The following ARFGEF2 variants were observed in gnomAD, a reference collection of about 807,000 sequenced individuals.
The protein encoded by ARFGEF2 is brefeldin A-inhibited guanine nucleotide-exchange protein 2.
In ARFGEF2, 74 loss-of-function variants were observed where a neutral mutation model predicts 219.9. That is an observed-to-expected ratio of 0.34 (90% CI 0.28 to 0.41). The LOEUF (loss-of-function observed/expected upper bound fraction) is 0.41. Ranked by LOEUF, ARFGEF2 falls within the 10% of genes least tolerant of loss-of-function variation. ARFGEF2 has a pLI of 1.00. For missense variants in ARFGEF2, 1,743 were observed against 2,218.3 expected (o/e 0.79, Z 4.30); for synonymous variants, 733 against 799.2 (o/e 0.92, Z 1.40).
intron 28 of ARFGEF2, 82 bp from the exon 29 acceptor site, chr20:49,013,482 G>C (rs2091512987): frequency 6.4e-7 from 1 of 1,567,500 alleles, no homozygotes; most frequent in Non-Finnish European, 8.8e-7. Flanking sequence ...AATGTGTGGG[G>C]CCTTAATCTG....
At chr20:48,947,014 C>A (rs1375420207) in intron 3 of ARFGEF2, among the ~76,000 whole-genome samples, 1 of 152,074 alleles carries the variant, frequency 6.6e-6, no homozygotes, top group Non-Finnish European at 1.5e-5. Flanking sequence ...ACTTTGTTGC[C>A]CAGGCTGGTC....
chr20:48,955,453 C>T (rs927061853), intron 6 of ARFGEF2, among the ~76,000 whole-genome samples: 1 of 152,198 alleles, frequency 6.6e-6, no homozygotes, highest in African/African-American at 2.4e-5. Flanking sequence ...TGCACTGAAG[C>T]CTAGGCTGCC....
At chr20:48,988,419 T>G (rs2091338542) in intron 17 of ARFGEF2, 31 bp downstream of exon 17, 1 of 1,611,434 alleles carries the variant, frequency 6.2e-7, no homozygotes, top group African/African-American at 1.3e-5. Flanking sequence ...ACATGTTGTA[T>G]TAGCTAAATA....
intron 3 of ARFGEF2, among the ~76,000 whole-genome samples, chr20:48,949,811 C>G (rs1555807949): frequency 6.6e-6 from 1 of 151,928 alleles, no homozygotes; most frequent in Non-Finnish European, 1.5e-5. Context: ...CAGTAGAAGC[C>G]AAAAAGGGGA....
In ARFGEF2 at chr20:49,013,817, T is replaced by G; in HGVS notation, c.4050-14T>G. On this transcript the variant is annotated splice_polypyrimidine_tract_variant and intron_variant, in intron 29 of 38. Coordinates refer to ENST00000371917, the MANE Select transcript of ARFGEF2 (RefSeq NM_006420.3). ...CACCATTCTCTCTTCTGTGCCTGAC[T>G]TTGTTTCCTCCAGGGGACTCACAGT... is the stretch of plus-strand genomic sequence containing the variant. 4 of 1,614,160 alleles carry G rather than the reference T, an allele frequency of 2.5e-6. No individual in the cohort carries two copies. The highest frequency in any genetic ancestry group is 2.5e-6 in the Non-Finnish European group (3 of 1,180,010).
intron 1 of ARFGEF2, among the ~76,000 whole-genome samples, chr20:48,928,262 G>A (rs1373591633): frequency 3.6e-5 from 5 of 139,738 alleles, no homozygotes; most frequent in African/African-American, 1.4e-4. Context: ...GCAGTGGCGC[G>A]ATCTCGGCTC....
intron 6 of ARFGEF2, among the ~76,000 whole-genome samples, chr20:48,954,553 A>T (rs2091094316): frequency 6.6e-6 from 1 of 152,074 alleles, no homozygotes; most frequent in South Asian, 2.1e-4. Context: ...TTCATAACTG[A>T]TCTCATTTCT....
chr20:48,976,107 G>A lies in ARFGEF2; in HGVS notation c.1866G>A (p.Val622=). Residue 622 remains valine, a synonymous_variant, in exon 14 of 39, where the codon GTG becomes GTA. Transcript: ENST00000371917. ...RCSVTSMEST[V]SSGTQTTVQD... ...GTGTGACGTCCATGGAGTCCACAGT[G>A]TCCTCGGGGACCCAGACAACTGTTC... 1 of 1,613,756 alleles carries A rather than the reference G, an allele frequency of 6.2e-7. No homozygotes were observed. Among genetic ancestry groups the A allele is most frequent in the Non-Finnish European group, 8.5e-7 (1 of 1,180,024 alleles).
intron 28 of ARFGEF2, 78 bp from the exon 29 acceptor site, chr20:49,013,486 T>A (rs1411818177): frequency 3.1e-6 from 5 of 1,589,552 alleles, no homozygotes; most frequent in Non-Finnish European, 4.3e-6. Context: ...TGTGGGGCCT[T>A]AATCTGCATA....
Position 48,948,018 on chromosome 20 carries a change from A to G in ARFGEF2, c.277-3305A>G, listed in dbSNP as rs191904072. 5.9e-5 allele frequency among the ~76,000 whole-genome samples: 9 copies of G among 152,350 alleles called. No homozygotes were observed. The South Asian group carries it at 8.3e-4, about 14-fold the overall frequency. ...TAATCTAAGCTGCCCTGTTTATACC[A>G]TAAACATTATCTTTTAGCTCTTATT... is the stretch of plus-strand genomic sequence containing the variant. On this transcript the variant is annotated intron_variant, in intron 3 of 38. Coordinates refer to ENST00000371917, the MANE Select transcript of ARFGEF2 (RefSeq NM_006420.3).
chr20:48,925,721 C>A (rs990552882), intron 1 of ARFGEF2, among the ~76,000 whole-genome samples: 2 of 151,876 alleles, frequency 1.3e-5, no homozygotes, highest in Non-Finnish European at 2.9e-5. Flanking sequence ...CCTGTAGTCC[C>A]GGCTACTTGG....
At chr20:49,022,912 CAGG>C in intron 34 of ARFGEF2, 136 bp from the exon 35 acceptor site, 1 of 1,180,424 alleles carries the variant, frequency 8.5e-7, no homozygotes, top group Non-Finnish European at 1.2e-6. Flanking sequence ...ACCAGGAGTT[CAGG>C]ACCAGCCTGG....
At chr20:48,997,227 C>G (rs2091396706) in intron 23 of ARFGEF2, among the ~76,000 whole-genome samples, 1 of 151,944 alleles carries the variant, frequency 6.6e-6, no homozygotes, top group Non-Finnish European at 1.5e-5. Context: ...TCTAGTATAT[C>G]ATTTTACTTC....
chr20:48,927,875 T>A (rs2090887960), intron 1 of ARFGEF2, among the ~76,000 whole-genome samples: 1 of 152,160 alleles, frequency 6.6e-6, no homozygotes, highest in South Asian at 2.1e-4. Flanking sequence ...TACTTTTTGT[T>A]GAAAACCACT....
At chr20:48,971,409 A>G in intron 10 of ARFGEF2, 55 bp downstream of exon 10, 2 of 1,279,358 alleles carry the variant, frequency 1.6e-6, no homozygotes, top group Non-Finnish European at 2.2e-6. Context: ...TTAGTCATTA[A>G]TTATAATACT....
Position 49,011,972 on chromosome 20 carries a change from A to T in ARFGEF2, c.3806A>T (p.Asp1269Val). 6.2e-7 allele frequency: 1 copy of T among 1,614,172 alleles called. No homozygotes were observed. The highest frequency in any genetic ancestry group is 8.5e-7 in the Non-Finnish European group (1 of 1,180,034). Residue 1269 changes from aspartate (D) to valine (V), a missense_variant, in exon 28 of 39, where the codon GAT becomes GTT. Around this residue, in one of 5 missense-constraint regions of ARFGEF2, gnomAD observed 578 missense variants for 664.0 expected, o/e 0.87. Coordinates refer to ENST00000371917, the MANE Select transcript of ARFGEF2 (RefSeq NM_006420.3). ...HFPAAIDSFQ[D>V]AVKCLSEFAC... ...CCTGCAGCCATCGATTCCTTTCAGG[A>T]TGCTGTGAAGTGCTTATCAGAGTTC...
Position 49,026,170 on chromosome 20 carries a change from A to C in ARFGEF2, c.4924+689A>C, listed in dbSNP as rs528076615. ...GGCAACATAGCAAAACCCCATCTCC[A>C]CCCAAAAAAAAGTATATGAAAATTA... On this transcript the variant is annotated intron_variant, in intron 36 of 38. Transcript: ENST00000371917. Among the ~76,000 whole-genome samples the C allele has an allele frequency of 4.6e-5, 7 of 152,090 alleles. No individual in the cohort carries two copies. The South Asian group carries it at 1.5e-3, about 32-fold the overall frequency.
At chr20:48,969,052 C>T in intron 8 of ARFGEF2, 95 bp from the exon 9 acceptor site, 2 of 1,345,214 alleles carry the variant, frequency 1.5e-6, no homozygotes, top group Non-Finnish European at 2.1e-6. Context: ...CCTTGACCTC[C>T]TCGGCTCAGT....
Position 48,991,077 on chromosome 20 carries a change from T to A in ARFGEF2, c.2852T>A (p.Phe951Tyr). Residue 951 changes from phenylalanine to tyrosine, a missense_variant, in exon 21 of 39, where the codon TTC becomes TAC. Phe to Tyr is a conservative substitution (Grantham distance 22, BLOSUM62 3). Coordinates refer to ENST00000371917, the MANE Select transcript of ARFGEF2 (RefSeq NM_006420.3). ...RDAYVQALAR[F>Y]SLLTASSSIT... ...GCCTATGTTCAGGCTCTTGCTCGCT[T>A]CTCCCTACTCACAGCCAGCTCCAGC... The A allele has an allele frequency of 6.2e-7, 1 of 1,613,964 alleles. No homozygotes were observed. Among genetic ancestry groups the A allele is most frequent in the Non-Finnish European group, 8.5e-7 (1 of 1,179,990 alleles).
Sources: gnomAD v4.1 joint callset for allele counts (sites outside exome capture counted in the v4.1 genomes callset) on GRCh38, gnomAD v4.1.1 for gene constraint, gnomAD v4.1.1 regional missense constraint, MANE v1.5 for transcripts, NCBI Gene and HGNC (gene_info 2026-07-23, HGNC 2026-07-21) for gene names.